The following DNAJB4 variants were observed in gnomAD, a reference collection of about 807,000 sequenced individuals.
DNAJB4 encodes the protein dnaJ homolog subfamily B member 4.
Under a neutral mutation model 26.6 loss-of-function variants are expected in DNAJB4, and 10 were observed. The ratio of observed to expected loss-of-function variants is 0.38; its 90% CI spans 0.23 to 0.64. The LOEUF (loss-of-function observed/expected upper bound fraction) is 0.64. DNAJB4 is among the 30% of genes least tolerant of loss of function. DNAJB4 has a pLI of 0.58. For missense variants in DNAJB4, 328 were observed against 408.2 expected (o/e 0.80, Z 1.69); for synonymous variants, 136 against 134.8 (o/e 1.01, Z -0.06).
chr1:78,010,438 A>G (rs1660438318), intron 1 of DNAJB4, among the ~76,000 whole-genome samples: 1 of 152,202 alleles, frequency 6.6e-6, no homozygotes, highest in Non-Finnish European at 1.5e-5. Context: ...TTATACTACT[A>G]AAATTTATAA....
chr1:77,991,268 G>C (rs1267746605), intron 1 of DNAJB4, among the ~76,000 whole-genome samples: 1 of 152,136 alleles, frequency 6.6e-6, no homozygotes, highest in Admixed American at 6.5e-5. Flanking sequence ...TTTTTTAACT[G>C]ATTATGGTTA....
At chr1:77,991,882 A>T (rs566685649) in intron 1 of DNAJB4, among the ~76,000 whole-genome samples, 1 of 152,330 alleles carries the variant, frequency 6.6e-6, no homozygotes, top group East Asian at 1.9e-4. Context: ...GTTGGCTATG[A>T]GTTCAATGTC....
chr1:78,015,070 C>T (rs1660598874), intron 2 of DNAJB4, among the ~76,000 whole-genome samples: 1 of 152,172 alleles, frequency 6.6e-6, no homozygotes. Flanking sequence ...CAAAAGACCT[C>T]CATGCTTACC....
At chr1:78,009,546 A>T (rs1182861889) in intron 1 of DNAJB4, among the ~76,000 whole-genome samples, 2 of 152,228 alleles carry the variant, frequency 1.3e-5, no homozygotes, top group East Asian at 3.8e-4. Flanking sequence ...TAGCAGAGGG[A>T]ATCCAATTGG....
chr1:77,980,196 T>G (rs1310224171), exon 1 of DNAJB4: 1 of 152,106 alleles, frequency 6.6e-6, no homozygotes, highest in Non-Finnish European at 1.5e-5. Flanking sequence ...TAAGGTCTCT[T>G]AAGTTAAGAA....
upstream of DNAJB4, chr1:78,004,608 A>G (rs1371053228): frequency 6.5e-6 from 1 of 153,318 alleles, no homozygotes; most frequent in Non-Finnish European, 1.5e-5. Context: ...TTCTTTTAAC[A>G]TAGGGTGTTT....
intron 1 of DNAJB4, among the ~76,000 whole-genome samples, chr1:77,983,832 C>T (rs1659728949): frequency 6.6e-6 from 1 of 152,122 alleles, no homozygotes; most frequent in Non-Finnish European, 1.5e-5. Flanking sequence ...CTTGCTTTTC[C>T]CCACAGGTTA....
At chr1:77,999,351 T>C (rs1176479670) in intron 1 of DNAJB4, among the ~76,000 whole-genome samples, 2 of 152,116 alleles carry the variant, frequency 1.3e-5, no homozygotes, top group African/African-American at 4.8e-5. Context: ...GTATCAGATG[T>C]ATGTGAGAAA....
At chr1:77,985,097 T>C (rs187810877) in intron 1 of DNAJB4, among the ~76,000 whole-genome samples, 253 of 152,322 alleles carry the variant, frequency 1.7e-3, no homozygotes, top group Admixed American at 3.2e-3. Flanking sequence ...CAAAAACATC[T>C]TAATTTTTGT....
At chr1:77,984,266 A>G (rs1659740158) in intron 1 of DNAJB4, among the ~76,000 whole-genome samples, 1 of 152,186 alleles carries the variant, frequency 6.6e-6, no homozygotes, top group Non-Finnish European at 1.5e-5. Flanking sequence ...AACTACTTTC[A>G]ATTGGGGTCT....
chr1:78,015,178 C>T (rs922249382), intron 2 of DNAJB4, among the ~76,000 whole-genome samples: 4 of 152,158 alleles, frequency 2.6e-5, no homozygotes, highest in Admixed American at 2.6e-4. Flanking sequence ...TGTTCATGGT[C>T]CCTATAAGGC....
In DNAJB4 at chr1:78,016,051, A is replaced by G; in HGVS notation, c.818A>G (p.Asp273Gly). 1.9e-6 allele frequency: 3 copies of G among 1,614,044 alleles called. No individual in the cohort carries two copies. Among genetic ancestry groups the G allele is most frequent in the Non-Finnish European group, 2.5e-6 (3 of 1,179,996 alleles). ...TGCTCAATTAATGTACCAACACTGG[A>G]TGGAAGAAACATACCTATGTCAGTA... is the stretch of plus-strand genomic sequence containing the variant. ...CGCSINVPTL[D>G]GRNIPMSVND... Residue 273 changes from aspartate to glycine, a missense_variant, in exon 3 of 3, where the codon GAT (aspartate) becomes GGT (glycine). Asp to Gly is a moderately conservative substitution (Grantham distance 94, BLOSUM62 -1). Coordinates refer to ENST00000370763, the MANE Select transcript of DNAJB4 (RefSeq NM_007034.5).
chr1:77,992,649 A>G (rs549281512), intron 1 of DNAJB4: 6 of 152,184 alleles, frequency 3.9e-5, no homozygotes, highest in Non-Finnish European at 7.3e-5. Context: ...ATTCTAATAT[A>G]TTCCCTTTAG....
chr1:78,008,777 C>A (rs550707630), intron 1 of DNAJB4, among the ~76,000 whole-genome samples: 1 of 152,000 alleles, frequency 6.6e-6, no homozygotes, highest in Non-Finnish European at 1.5e-5. Flanking sequence ...ATAGTTGAAT[C>A]ATTTGAAAAC....
At chr1:77,995,051 A>G (rs565736140) in intron 1 of DNAJB4, among the ~76,000 whole-genome samples, 1 of 152,354 alleles carries the variant, frequency 6.6e-6, no homozygotes, top group South Asian at 2.1e-4. Flanking sequence ...CACTAGCCAC[A>G]TGAGACTCTT....
In DNAJB4 at chr1:78,016,955, A is replaced by G. The variant is rs1471198585; in HGVS notation, c.*708A>G. The G allele has an allele frequency of 2.0e-5, 3 of 152,242 alleles. No individual in the cohort carries two copies. The highest frequency in any genetic ancestry group is 1.9e-4 in the East Asian group (1 of 5,190). 9.4% of individuals were successfully genotyped at this position (152,242 alleles called of 1,614,324 possible). On this transcript the variant is annotated 3_prime_UTR_variant, in exon 3 of 3. Coordinates refer to ENST00000370763, the MANE Select transcript of DNAJB4 (RefSeq NM_007034.5). ...ATATGTAATTTTATGCAAGTTGACT[A>G]TATATCTTGTACTTAATAAATTATA...
chr1:78,004,253 A>G (rs1660262673), upstream of DNAJB4: 1 of 152,226 alleles, frequency 6.6e-6, no homozygotes. Context: ...CTAAGTTCAG[A>G]TACTAAAATT....
chr1:77,999,533 T>G (rs1660142165), intron 1 of DNAJB4, among the ~76,000 whole-genome samples: 1 of 152,020 alleles, frequency 6.6e-6, no homozygotes, highest in African/African-American at 2.4e-5. Context: ...CAGACTCCTT[T>G]GGGGGTGAAT....
At chr1:77,991,155 C>T (rs1659922486) in intron 1 of DNAJB4, among the ~76,000 whole-genome samples, 1 of 152,120 alleles carries the variant, frequency 6.6e-6, no homozygotes, top group Non-Finnish European at 1.5e-5. Flanking sequence ...GGGAAATACA[C>T]CTACACACAT....
Sources: gnomAD v4.1 joint callset for allele counts (sites outside exome capture counted in the v4.1 genomes callset) on GRCh38, gnomAD v4.1.1 for gene constraint, MANE v1.5 for transcripts, NCBI Gene and HGNC (gene_info 2026-07-23, HGNC 2026-07-21) for gene names.